Variants in KLHL33 observed in about 807,000 individuals in gnomAD.
KLHL33 encodes the protein kelch like family member 33.
Under a neutral mutation model 60.8 loss-of-function variants are expected in KLHL33, and 46 were observed. The observed-to-expected ratio is 0.76, with a 90% CI of 0.60 to 0.97. The LOEUF (loss-of-function observed/expected upper bound fraction) is 0.97, where lower values mean the gene tolerates loss of function less well. Ranked by LOEUF, KLHL33 falls within the 50% of genes least tolerant of loss-of-function variation. The pLI is 0.00. For missense variants in KLHL33, 1,055 were observed against 1,000.0 expected (o/e 1.05, Z -0.74); for synonymous variants, 434 against 432.2 (o/e 1.00, Z -0.05).
Position 20,435,763 on chromosome 14 carries a change from A to AGCT in KLHL33, c.48_49insAGC (p.Ser17dup). 6 of 1,234,336 alleles carry AGCT rather than the reference A, an allele frequency of 4.9e-6. No homozygotes were observed. Among genetic ancestry groups the AGCT allele is most frequent in the Non-Finnish European group, 6.1e-6 (6 of 988,208 alleles). The allele number at this position is 1,234,336 out of a possible 1,614,324, so 76.5% of individuals were successfully genotyped here. On this transcript the variant is annotated inframe_insertion, in exon 2 of 5. Coordinates refer to ENST00000636854, the MANE Select transcript of KLHL33 (RefSeq NM_001365790.2). ...AGGCAGTCCCTCTGGACGGGATGAGAGACACTCTCCAGCTCAGGGGGATAA... is the reference window on the plus strand; with the variant it reads ...AGGCAGTCCCTCTGGACGGGATGAGAGCTGACACTCTCCAGCTCAGGGGGATAA...
chr14:20,429,736 T>G (rs1046444419), intron 3 of KLHL33, 59 bp downstream of exon 3: 8 of 1,527,190 alleles, frequency 5.2e-6, no homozygotes, highest in Admixed American at 2.1e-5. Flanking sequence ...AGGCCAGCAA[T>G]TTCTCTCCCT....
At chr14:20,431,907 C>T (rs1289088363) in intron 2 of KLHL33, among the ~76,000 whole-genome samples, 3 of 152,116 alleles carry the variant, frequency 2.0e-5, no homozygotes, top group Non-Finnish European at 4.4e-5. Flanking sequence ...GTCCTCATGA[C>T]AATGAAACTG....
rs576003180 is a variant in KLHL33, at chr14:20,429,203, C to A, written c.2040G>T (p.Leu680Phe). Reference protein sequence around the residue: ...VPRAGHVMAALGGRLYVAGGL... With the variant: ...VPRAGHVMAAFGGRLYVAGGL... The stretch of plus-strand genomic sequence containing the variant: ...CACCTGCCACATACAACCTCCCACC[C>A]AATGCAGCCATGACATGGCCAGCCC... Residue 680 changes from leucine to phenylalanine, a missense_variant, in exon 5 of 5, where the codon TTG becomes TTT. Leu to Phe is a conservative substitution (Grantham distance 22). Coordinates refer to ENST00000636854, the MANE Select transcript of KLHL33 (RefSeq NM_001365790.2). 6 of 1,551,758 alleles carry A rather than the reference C, an allele frequency of 3.9e-6. No homozygotes were observed. The South Asian group carries it at 7.1e-5, about 18-fold the overall frequency.
chr14:20,435,157 C>G lies in KLHL33; in HGVS notation c.655G>C (p.Glu219Gln), dbSNP rs1462507781. 1 of 1,234,270 alleles carries G rather than the reference C, an allele frequency of 8.1e-7. No individual in the cohort carries two copies. The highest frequency in any genetic ancestry group is 1.5e-5 in the African/African-American group (1 of 64,518). The allele number at this position is 1,234,270 out of a possible 1,614,324, so 76.5% of individuals were successfully genotyped here. A position where few individuals can be genotyped will look rare whatever the true frequency, so the allele number is the denominator to read the frequency against. ...ATTCCGCGCAGGTTCTCCCTCAGCT[C>G]CTCTGCCTGGCTGGGCTTCTTTACA... ...EDVKKPSQAE[E>Q]LRENLRGIEL... The change falls in exon 2 of 5, where the codon GAG becomes CAG. Residue 219 changes from glutamate to glutamine, a missense_variant. Glu to Gln is a conservative substitution (Grantham distance 29). Coordinates refer to ENST00000636854, the MANE Select transcript of KLHL33 (RefSeq NM_001365790.2).
At position 20,429,381 on chromosome 14, in the gene KLHL33, G is replaced by T. The variant is rs770631011; in HGVS notation, c.1862C>A (p.Ala621Glu). The change falls in exon 5 of 5, where the codon GCA (alanine) becomes GAA (glutamate). Residue 621 changes from alanine to glutamate, a missense_variant. Ala to Glu is a moderately radical substitution (Grantham distance 107). Coordinates refer to ENST00000636854, the MANE Select transcript of KLHL33 (RefSeq NM_001365790.2). ...CGCAGCTGCGTGGGCAAAACATGGT[G>T]CTGGAAGTGCAGGTGCTGGCCTAAG... ...NVWRPAPALP[A>E]PCFAHAAAIL... The T allele has an allele frequency of 1.5e-5, 24 of 1,551,670 alleles. No homozygotes were observed. The Admixed American group carries it at 2.9e-4, about 19-fold the overall frequency.
chr14:20,436,119 C>T lies in KLHL33; in HGVS notation c.-40G>A. On this transcript the variant is annotated 5_prime_UTR_variant, in exon 1 of 5. Transcript: ENST00000636854. ...GTCACCCTCAGGAGACACCAGCGTT[C>T]CGCTTGCCCTCTCACTTAAGCGCCC... 1 of 230,788 alleles carries T rather than the reference C, an allele frequency of 4.3e-6. No homozygotes were observed. The highest frequency in any genetic ancestry group is 8.6e-5 in the East Asian group (1 of 11,626). The allele number at this position is 230,788 out of a possible 1,614,324, so 14.3% of individuals were successfully genotyped here. A position where few individuals can be genotyped will look rare whatever the true frequency, so the allele number is the denominator to read the frequency against.
Position 20,435,500 on chromosome 14 carries a change from C to T in KLHL33, c.312G>A (p.Gln104=). Residue 104 remains glutamine, a synonymous_variant, in exon 2 of 5, where the codon CAG becomes CAA. Coordinates refer to ENST00000636854, the MANE Select transcript of KLHL33 (RefSeq NM_001365790.2). The part of the protein sequence containing the change: ...EHPSQFFAEA[Q]RLREQRLLLD... ...GCAACAGTCTCTGCTCCCGCAGCCG[C>T]TGGGCCTCGGCGAAAAACTGGCTCG... 8.1e-7 allele frequency: 1 copy of T among 1,234,716 alleles called. No individual in the cohort carries two copies. The highest frequency in any genetic ancestry group is 1.0e-6 in the Non-Finnish European group (1 of 988,386). 76.5% of individuals were successfully genotyped at this position (1,234,716 alleles called of 1,614,324 possible).
rs768143904 is a variant in KLHL33 at position 20,429,256 on chromosome 14, T to C, written c.1987A>G (p.Thr663Ala). Residue 663 changes from threonine (T) to alanine (A), a missense_variant, in exon 5 of 5, where the codon ACG (threonine) becomes GCG (alanine). Transcript: ENST00000636854. ...HYDPKLEKPG[T>A]FLSPMGVPRA... ...GGTACCCCCATAGGGCTCAGAAACG[T>C]CCCTGGCTTCTCAAGTTTGGGGTCA... The C allele has an allele frequency of 2.6e-6, 4 of 1,551,564 alleles. No homozygotes were observed. Among genetic ancestry groups the C allele is most frequent in the Admixed American group, 3.9e-5 (2 of 50,984 alleles).
intron 2 of KLHL33, among the ~76,000 whole-genome samples, chr14:20,431,804 A>G (rs549142707): frequency 3.3e-5 from 5 of 152,382 alleles, no homozygotes; most frequent in African/African-American, 1.2e-4. Flanking sequence ...ATTTCCATGC[A>G]GTGGCTGTGT....
At position 20,435,416 on chromosome 14, in the gene KLHL33, G is replaced by T. The variant is rs1055053271; in HGVS notation, c.396C>A (p.Ala132=). Residue 132 remains alanine, a synonymous_variant, in exon 2 of 5, where the codon GCC becomes GCA. Coordinates refer to ENST00000636854, the MANE Select transcript of KLHL33 (RefSeq NM_001365790.2). ...TGTCTCGGAAGAGGCTGCTGATTGC[G>T]GCCAGGATCACCCGATGCACCCCGT... The part of the protein sequence containing the change: ...RVYGVHRVIL[A]AISSLFRDRL... The T allele has an allele frequency of 3.2e-6, 4 of 1,234,256 alleles. No individual in the cohort carries two copies. The highest frequency in any genetic ancestry group is 8.2e-5 in the South Asian group (2 of 24,428). 76.5% of individuals were successfully genotyped at this position (1,234,256 alleles called of 1,614,324 possible). A position where few individuals can be genotyped will look rare whatever the true frequency, so the allele number is the denominator to read the frequency against.
In KLHL33 at chr14:20,427,539, C is replaced by A. The variant is rs1254396420; in HGVS notation, c.*1310G>T. The stretch of plus-strand genomic sequence containing the variant: ...TCTAATGGGTGAGACTCTAGGCAGC[C>A]TTTAAGATCCAGTTCAAAATACACC... On this transcript the variant is annotated 3_prime_UTR_variant, in exon 5 of 5. Transcript: ENST00000636854. 6.6e-6 allele frequency: 1 copy of A among 152,204 alleles called. No individual in the cohort carries two copies. The highest frequency in any genetic ancestry group is 1.5e-5 in the Non-Finnish European group (1 of 68,034). The allele number at this position is 152,204 out of a possible 1,614,324, so 9.4% of individuals were successfully genotyped here. A position where few individuals can be genotyped will look rare whatever the true frequency, so the allele number is the denominator to read the frequency against.
chr14:20,430,944 G>A (rs915608454), intron 2 of KLHL33, among the ~76,000 whole-genome samples: 6 of 152,180 alleles, frequency 3.9e-5, no homozygotes, highest in African/African-American at 7.2e-5. Flanking sequence ...AGTTCTGGAC[G>A]GAGACCCTAG....
Position 20,426,888 on chromosome 14 carries a change from T to C in KLHL33, c.*1961A>G, listed in dbSNP as rs993782269. ...TGAGTTCATGTCCTTTGTAGGGACA[T>C]GGATGAGATTGGAAATCATCATTCT... is the stretch of plus-strand genomic sequence containing the variant. On this transcript the variant is annotated 3_prime_UTR_variant, in exon 5 of 5. Coordinates refer to ENST00000636854, the MANE Select transcript of KLHL33 (RefSeq NM_001365790.2). 1 of 151,876 alleles carries C rather than the reference T, an allele frequency of 6.6e-6. No individual in the cohort carries two copies. Among genetic ancestry groups the C allele is most frequent in the Non-Finnish European group, 1.5e-5 (1 of 68,004 alleles). 9.4% of individuals were successfully genotyped at this position (151,876 alleles called of 1,614,324 possible). A position where few individuals can be genotyped will look rare whatever the true frequency, so the allele number is the denominator to read the frequency against.
At position 20,430,235 on chromosome 14, in the gene KLHL33, G is replaced by T; in HGVS notation, c.1233C>A (p.Asn411Lys). The change falls in exon 3 of 5, where the codon AAC becomes AAA. Residue 411 changes from asparagine to lysine, a missense_variant. Coordinates refer to ENST00000636854, the MANE Select transcript of KLHL33 (RefSeq NM_001365790.2). ...TGGCCTCTGACTCCTGGGTCTCGGG[G>T]TTGGCAGCCAGCCAACACCGTGCAG... Reference protein sequence around the residue: ...FVAARCWLAANPETQESEAKA... With the variant: ...FVAARCWLAAKPETQESEAKA... 1 of 1,551,606 alleles carries T rather than the reference G, an allele frequency of 6.4e-7. No individual in the cohort carries two copies. Among genetic ancestry groups the T allele is most frequent in the Non-Finnish European group, 8.7e-7 (1 of 1,146,992 alleles).
At position 20,430,345 on chromosome 14, in the gene KLHL33, A is replaced by G; in HGVS notation, c.1123T>C (p.Phe375Leu). 6.4e-7 allele frequency: 1 copy of G among 1,551,910 alleles called. No individual in the cohort carries two copies. Among genetic ancestry groups the G allele is most frequent in the Non-Finnish European group, 8.7e-7 (1 of 1,147,020 alleles). Residue 375 changes from phenylalanine (F) to leucine (L), a missense_variant, in exon 3 of 5, where the codon TTC becomes CTC. Coordinates refer to ENST00000636854, the MANE Select transcript of KLHL33 (RefSeq NM_001365790.2). The part of the protein sequence containing the change: ...HLPAVALCPA[F>L]PSLPAACLAE... ...AAGCAGGCAGCTGGTAAAGAAGGGA[A>G]AGCAGGACACAAGGCTACAGCAGGC...
At chr14:20,431,495 G>C (rs765287671) in intron 2 of KLHL33, among the ~76,000 whole-genome samples, 7 of 117,110 alleles carry the variant, frequency 6.0e-5, no homozygotes, top group Non-Finnish European at 1.2e-4. Context: ...GGGAGGCTGA[G>C]GTGGGTAGGA....
In KLHL33 at chr14:20,430,030, C is replaced by T. The variant is rs758097911; in HGVS notation, c.1438G>A (p.Gly480Arg). The change falls in exon 3 of 5, where the codon GGG becomes AGG. Residue 480 changes from glycine to arginine, a missense_variant. Coordinates refer to ENST00000636854, the MANE Select transcript of KLHL33 (RefSeq NM_001365790.2). ...EPDRALVVIG[G>R]DGLRPDMALR... ...GCCATGTCTGGTCTGAGCCCATCCCCGCCAATCACTACCAGTGCCCGGTCA... is the reference window on the plus strand; with the variant it reads ...GCCATGTCTGGTCTGAGCCCATCCCTGCCAATCACTACCAGTGCCCGGTCA... 2.4e-5 allele frequency: 37 copies of T among 1,551,636 alleles called. 1 individual carries two copies. The Middle Eastern group carries it at 6.7e-4, about 28-fold the overall frequency.
rs1206532100 is a variant in KLHL33 at position 20,430,538 on chromosome 14, A to G, written c.930T>C (p.Ala310=). 6.1e-5 allele frequency: 94 copies of G among 1,543,264 alleles called. No individual in the cohort carries two copies. Among genetic ancestry groups the G allele is most frequent in the Non-Finnish European group, 8.0e-5 (92 of 1,146,984 alleles). Residue 310 remains alanine, a synonymous_variant, in exon 3 of 5, where the codon GCT becomes GCC. Coordinates refer to ENST00000636854, the MANE Select transcript of KLHL33 (RefSeq NM_001365790.2). ...VRARWPGLLR[A]AQAALQYQSS... is the part of the protein sequence containing the mutation. ...TCTGGTACTGCAGAGCAGCCTGGGC[A>G]GCTCTCAGTAGCCCTGGCCACCTTG...
chr14:20,432,110 G>A (rs573115986), intron 2 of KLHL33, among the ~76,000 whole-genome samples: 1 of 108,108 alleles, frequency 9.3e-6, no homozygotes, highest in African/African-American at 4.3e-5. Flanking sequence ...GCATTTTATA[G>A]GATAACCAAT....
Sources: gnomAD v4.1 joint callset for allele counts (sites outside exome capture counted in the v4.1 genomes callset) on GRCh38, gnomAD v4.1.1 for gene constraint, MANE v1.5 for transcripts, NCBI Gene and HGNC (gene_info 2026-07-23, HGNC 2026-07-21) for gene names.